MMP16: variants seen among roughly 807,000 people sequenced by gnomAD.
MMP16 encodes matrix metallopeptidase 16, also known as matrix metalloproteinase-16.
A neutral mutation model predicts 67.8 loss-of-function variants in MMP16; 12 were observed. That is an observed-to-expected ratio of 0.18 (90% CI 0.11 to 0.29). The LOEUF (loss-of-function observed/expected upper bound fraction) is 0.29, where lower values mean the gene tolerates loss of function less well. Ranked by LOEUF, MMP16 falls within the 10% of genes least tolerant of loss-of-function variation. MMP16 has a pLI of 1.00. For synonymous variants in MMP16, 249 were observed against 255.9 expected (o/e 0.97, Z 0.26); for missense variants, 475 against 765.7 (o/e 0.62, Z 4.48).
At chr8:88,189,995 G>T (rs1047174778) in intron 2 of MMP16, among the ~76,000 whole-genome samples, 1 of 152,118 alleles carries the variant, frequency 6.6e-6, no homozygotes, top group Non-Finnish European at 1.5e-5. Context: ...TGATCATTTC[G>T]ACAATCCTAT....
intron 4 of MMP16, among the ~76,000 whole-genome samples, chr8:88,156,026 A>G (rs1808503390): frequency 6.6e-6 from 1 of 152,152 alleles, no homozygotes; most frequent in Non-Finnish European, 1.5e-5. Flanking sequence ...TGAGGAATAA[A>G]TGAGTTAAAT....
At chr8:88,192,361 C>T (rs1336407439) in intron 2 of MMP16, among the ~76,000 whole-genome samples, 1 of 152,092 alleles carries the variant, frequency 6.6e-6, no homozygotes, top group Non-Finnish European at 1.5e-5. Context: ...ACCTAAATAC[C>T]TGAGCAAGAA....
At chr8:88,088,024 TTATATATA>T (rs1413919333) in intron 6 of MMP16, among the ~76,000 whole-genome samples, 1 of 115,212 alleles carries the variant, frequency 8.7e-6, no homozygotes, top group Non-Finnish European at 1.9e-5. Context: ...TGTATCTATA[TTATATATA>T]TAGATATATA....
intron 1 of MMP16, among the ~76,000 whole-genome samples, chr8:88,260,136 T>G (rs150885950): frequency 2.8e-3 from 421 of 152,260 alleles, no homozygotes; most frequent in African/African-American, 9.8e-3. Flanking sequence ...AGACATGAAG[T>G]GATAAAAACT....
chr8:88,186,127 TA>T (rs1209122802), intron 3 of MMP16, among the ~76,000 whole-genome samples: 1 of 152,198 alleles, frequency 6.6e-6, no homozygotes. Context: ...ACATTCTGTT[TA>T]AATAGCAGTT....
intron 1 of MMP16, among the ~76,000 whole-genome samples, chr8:88,249,212 G>A (rs886315340): frequency 2.6e-5 from 4 of 151,708 alleles, no homozygotes; most frequent in Admixed American, 1.3e-4. Flanking sequence ...AAATGGATGC[G>A]GCAGAAAAGA....
At chr8:88,044,537 A>G (rs1808175129) in intron 9 of MMP16, among the ~76,000 whole-genome samples, 1 of 152,134 alleles carries the variant, frequency 6.6e-6, no homozygotes, top group Non-Finnish European at 1.5e-5. Context: ...TTTGACATGT[A>G]TTTTTGTATA....
intron 4 of MMP16, among the ~76,000 whole-genome samples, chr8:88,151,709 A>T (rs1307849776): frequency 6.6e-6 from 1 of 151,688 alleles, no homozygotes; most frequent in South Asian, 2.1e-4. Flanking sequence ...GATGCATTCA[A>T]AGCAGTGTGT....
intron 7 of MMP16, among the ~76,000 whole-genome samples, chr8:88,066,486 A>G (rs893881131): frequency 2.6e-5 from 4 of 152,092 alleles, no homozygotes; most frequent in Non-Finnish European, 5.9e-5. Flanking sequence ...CATAAAGGAG[A>G]ACGACTCAGT....
intron 7 of MMP16, among the ~76,000 whole-genome samples, chr8:88,063,030 G>A (rs1311121146): frequency 6.6e-6 from 1 of 152,082 alleles, no homozygotes. Context: ...ATATTCTGGA[G>A]CAAGTGGAAA....
intron 2 of MMP16, among the ~76,000 whole-genome samples, chr8:88,193,387 A>G (rs1044807796): frequency 1.3e-5 from 2 of 152,130 alleles, no homozygotes; most frequent in African/African-American, 4.8e-5. Flanking sequence ...AAAGAACTTC[A>G]TGGAGACAGA....
intron 4 of MMP16, among the ~76,000 whole-genome samples, chr8:88,151,353 C>G (rs928912138): frequency 4.0e-5 from 6 of 149,878 alleles, no homozygotes; most frequent in Non-Finnish European, 6.0e-5. Context: ...CAGCTCTGTA[C>G]CAAGCGGACC....
At position 88,327,478 on chromosome 8, in the gene MMP16, C is replaced by T. The variant is rs984043868; in HGVS notation, c.-272G>A. On this transcript the variant is annotated 5_prime_UTR_variant, in exon 1 of 10. Transcript: ENST00000286614. The stretch of plus-strand genomic sequence containing the variant: ...TGGCGCCTAAGTTCACCGGCGGTTC[C>T]GGCTCAAAGAGCCTAGTCGCAGCCG... 8.7e-6 allele frequency: 4 copies of T among 459,342 alleles called. No homozygotes were observed. Among genetic ancestry groups the T allele is most frequent in the Non-Finnish European group, 1.6e-5 (4 of 248,716 alleles). 28.5% of individuals were successfully genotyped at this position (459,342 alleles called of 1,614,324 possible).
chr8:88,167,949 T>C lies in MMP16; in HGVS notation c.429A>G (p.Val143=), dbSNP rs764674029. 6 of 1,612,014 alleles carry C rather than the reference T, an allele frequency of 3.7e-6. 1 individual carries two copies. The highest frequency in any genetic ancestry group is 1.7e-5 in the Admixed American group (1 of 59,710). Residue 143 remains valine, a synonymous_variant, in exon 4 of 10, where the codon GTA becomes GTG. Transcript: ENST00000286614. ...TYSIKNVTPK[V]GDPETRKAIR... is the part of the protein sequence containing the mutation. ...TAGCTTTACGAGTCTCAGGGTCTCCTACTTTTGGAGTTACGTTCTTTATAC... is the reference window on the plus strand; with the variant it reads ...TAGCTTTACGAGTCTCAGGGTCTCCCACTTTTGGAGTTACGTTCTTTATAC...
chr8:88,198,817 T>C (rs145609540), intron 1 of MMP16, among the ~76,000 whole-genome samples: 19 of 152,084 alleles, frequency 1.2e-4, no homozygotes, highest in Admixed American at 3.9e-4. Context: ...ATGTACCATA[T>C]AGTAAAAGCA....
At chr8:88,271,973 T>A (rs1216831012) in intron 1 of MMP16, among the ~76,000 whole-genome samples, 2 of 152,156 alleles carry the variant, frequency 1.3e-5, no homozygotes, top group African/African-American at 4.8e-5. Context: ...CTAAGAGATA[T>A]TTAAGTTAGC....
At chr8:88,257,145 G>A (rs1810315943) in intron 1 of MMP16, among the ~76,000 whole-genome samples, 1 of 152,074 alleles carries the variant, frequency 6.6e-6, no homozygotes, top group Non-Finnish European at 1.5e-5. Flanking sequence ...TATTTCACTT[G>A]ATCTATACTG....
At chr8:88,102,796 T>C (rs2118383376) in intron 6 of MMP16, among the ~76,000 whole-genome samples, 1 of 151,974 alleles carries the variant, frequency 6.6e-6, no homozygotes, top group Admixed American at 6.6e-5. Context: ...AGACCAAATA[T>C]ATATTTTATA....
chr8:88,077,187 G>A (rs74899683), intron 6 of MMP16, among the ~76,000 whole-genome samples: 1 of 152,192 alleles, frequency 6.6e-6, no homozygotes, highest in African/African-American at 2.4e-5. Flanking sequence ...CAGATATTCA[G>A]GTTGTGCCTC....
Sources: gnomAD v4.1 joint callset for allele counts (sites outside exome capture counted in the v4.1 genomes callset) on GRCh38, gnomAD v4.1.1 for gene constraint, MANE v1.5 for transcripts, NCBI Gene and HGNC (gene_info 2026-07-23, HGNC 2026-07-21) for gene names.